The following CPNE8 variants were observed in gnomAD, a reference collection of about 807,000 sequenced individuals.
The protein encoded by CPNE8 is copine 8.
CPNE8 carries 45 observed loss-of-function variants against 81.5 expected under a neutral mutation model. The observed-to-expected ratio is 0.55, with a 90% CI of 0.44 to 0.71. The LOEUF is 0.71. CPNE8 is among the 30% of genes least tolerant of loss of function. CPNE8 has a pLI of 0.00. For synonymous variants in CPNE8, 252 were observed against 226.3 expected (o/e 1.11, Z -1.02); for missense variants, 594 against 672.1 (o/e 0.88, Z 1.28).
At chr12:38,672,855 C>A (rs1023556727) in intron 18 of CPNE8, among the ~76,000 whole-genome samples, 1 of 152,088 alleles carries the variant, frequency 6.6e-6, no homozygotes, top group African/African-American at 2.4e-5. Flanking sequence ...GGACAGATGG[C>A]AACATATTGT....
chr12:38,749,540 C>T (rs1382180832), intron 10 of CPNE8, among the ~76,000 whole-genome samples: 1 of 152,134 alleles, frequency 6.6e-6, no homozygotes, highest in East Asian at 1.9e-4. Context: ...TGGCTTTCAC[C>T]AAAAGCCTGA....
chr12:38,839,434 A>G (rs2137040368), intron 5 of CPNE8, among the ~76,000 whole-genome samples: 1 of 152,108 alleles, frequency 6.6e-6, no homozygotes, highest in Non-Finnish European at 1.5e-5. Flanking sequence ...GACAGAGATT[A>G]TGTCTATCAT....
chr12:38,672,739 G>C (rs1246956498), intron 18 of CPNE8, among the ~76,000 whole-genome samples: 1 of 152,136 alleles, frequency 6.6e-6, no homozygotes, highest in African/African-American at 2.4e-5. Flanking sequence ...TACTGAAAAA[G>C]AGTCACTGGG....
chr12:38,671,241 C>T (rs1241352129), intron 18 of CPNE8, among the ~76,000 whole-genome samples: 1 of 152,042 alleles, frequency 6.6e-6, no homozygotes, highest in Non-Finnish European at 1.5e-5. Flanking sequence ...ACAAGTTGAA[C>T]TTTATTTTCA....
chr12:38,858,763 C>T (rs1158779894), intron 3 of CPNE8, among the ~76,000 whole-genome samples: 7 of 152,094 alleles, frequency 4.6e-5, no homozygotes, highest in Non-Finnish European at 2.9e-5. Flanking sequence ...CTCAGTTACA[C>T]TATGAGCAAA....
intron 6 of CPNE8, among the ~76,000 whole-genome samples, chr12:38,796,827 C>T (rs549659848): frequency 1.0e-3 from 159 of 152,240 alleles, no homozygotes; most frequent in African/African-American, 3.7e-3. Flanking sequence ...CCTGGAAAAT[C>T]GGGTCACTCC....
At chr12:38,855,417 T>C (rs1943714711) in intron 3 of CPNE8, among the ~76,000 whole-genome samples, 1 of 151,956 alleles carries the variant, frequency 6.6e-6, no homozygotes, top group Admixed American at 6.6e-5. Flanking sequence ...ATAGCCAAAG[T>C]AACCTTGACA....
chr12:38,734,297 T>C (rs1375355853), intron 10 of CPNE8, among the ~76,000 whole-genome samples: 2 of 152,138 alleles, frequency 1.3e-5, no homozygotes, highest in Non-Finnish European at 2.9e-5. Context: ...TTGCCTCACA[T>C]CAATTATATT....
chr12:38,683,714 G>A (rs543033832), intron 16 of CPNE8, among the ~76,000 whole-genome samples: 1 of 152,018 alleles, frequency 6.6e-6, no homozygotes, highest in Non-Finnish European at 1.5e-5. Context: ...TATTGTATTG[G>A]AAGGAAAAGA....
chr12:38,807,057 C>T (rs1396345274), intron 6 of CPNE8, among the ~76,000 whole-genome samples: 1 of 152,144 alleles, frequency 6.6e-6, no homozygotes, highest in Admixed American at 6.6e-5. Context: ...ATGTGAAGGA[C>T]CTCTTCCAGG....
At chr12:38,802,956 G>A (rs1220048815) in intron 6 of CPNE8, among the ~76,000 whole-genome samples, 1 of 146,700 alleles carries the variant, frequency 6.8e-6, no homozygotes, top group South Asian at 2.2e-4. Context: ...GACTAAACCA[G>A]GAAGAAGTTG....
chr12:38,792,286 T>C (rs1592092568), intron 6 of CPNE8, among the ~76,000 whole-genome samples: 1 of 137,132 alleles, frequency 7.3e-6, no homozygotes, highest in South Asian at 2.3e-4. Flanking sequence ...AAAATATCAA[T>C]GAAACTAAGA....
At chr12:38,757,327 TA>T (rs1941481726) in intron 10 of CPNE8, among the ~76,000 whole-genome samples, 2 of 152,082 alleles carry the variant, frequency 1.3e-5, no homozygotes, top group East Asian at 3.9e-4. Flanking sequence ...CTGATGTTTT[TA>T]AAAAATCTAC....
chr12:38,741,413 C>G (rs1265610028), intron 10 of CPNE8, among the ~76,000 whole-genome samples: 2 of 152,072 alleles, frequency 1.3e-5, no homozygotes, highest in Non-Finnish European at 2.9e-5. Context: ...ACAAACCTGA[C>G]AAAAACAAGA....
At chr12:38,670,256 G>A (rs1002489136) in intron 19 of CPNE8, among the ~76,000 whole-genome samples, 1 of 152,096 alleles carries the variant, frequency 6.6e-6, no homozygotes, top group African/African-American at 2.4e-5. Context: ...TATCCAAAAA[G>A]ATATACTTCA....
chr12:38,855,505 T>C (rs940177581), intron 3 of CPNE8, among the ~76,000 whole-genome samples: 6 of 152,220 alleles, frequency 3.9e-5, no homozygotes, highest in Non-Finnish European at 7.4e-5. Flanking sequence ...ACACAGCATG[T>C]TACTGTCATA....
intron 6 of CPNE8, among the ~76,000 whole-genome samples, chr12:38,813,432 T>C (rs530156282): frequency 2.3e-4 from 35 of 152,320 alleles, no homozygotes; most frequent in African/African-American, 8.4e-4. Context: ...CCTAGAAAAC[T>C]GTCTAGTGAT....
At chr12:38,905,764 G>A (rs1263637515), upstream of CPNE8, 1 of 1,393,550 alleles carries the variant, frequency 7.2e-7, no homozygotes, top group East Asian at 2.6e-5. Flanking sequence ...CAAGTGGCGC[G>A]CGGGGATCCC....
chr12:38,751,441 G>A (rs1253062280), intron 10 of CPNE8, among the ~76,000 whole-genome samples: 1 of 151,982 alleles, frequency 6.6e-6, no homozygotes, highest in Non-Finnish European at 1.5e-5. Flanking sequence ...TATATATGTT[G>A]CAATTTATTT....
Sources: gnomAD v4.1 joint callset for allele counts (sites outside exome capture counted in the v4.1 genomes callset) on GRCh38, gnomAD v4.1.1 for gene constraint, MANE v1.5 for transcripts, NCBI Gene and HGNC (gene_info 2026-07-23, HGNC 2026-07-21) for gene names.